Variants in TAOK1 observed in about 807,000 individuals in gnomAD.
The protein encoded by TAOK1 is TAO kinase 1.
In TAOK1, 21 loss-of-function variants were observed where a neutral mutation model predicts 138.3. The observed-to-expected ratio is 0.15, with a 90% CI of 0.11 to 0.22. The LOEUF is 0.22. Among genes scored for constraint, TAOK1 ranks in the 10% least tolerant of loss-of-function variants. The pLI, the probability that TAOK1 is intolerant of heterozygous loss-of-function variation, is 1.00. For synonymous variants in TAOK1, 361 were observed against 398.4 expected, an observed-to-expected ratio of 0.91 and a Z score of 1.12; for missense variants, 651 against 1,227.7, an observed-to-expected ratio of 0.53 and a Z score of 7.02.
chr17:29,432,160 C>A (rs1905860206), intron 1 of TAOK1, among the ~76,000 whole-genome samples: 1 of 152,124 alleles, frequency 6.6e-6, no homozygotes. Context: ...CAGAGTTTTA[C>A]CCACATATTT....
At position 29,475,671 on chromosome 17, in the gene TAOK1, A is replaced by C; in HGVS notation, c.206A>C (p.Lys69Thr). ...TCTTTACCTTTTTTCTCCCCACAGA[A>C]ATGGCAGGATATTATTAAGGAAGTC... ...MSYSGKQSTEKWQDIIKEVKF... is the reference protein window; with the variant it reads ...MSYSGKQSTETWQDIIKEVKF... Residue 69 changes from lysine (K) to threonine (T), a missense_variant and splice_region_variant, in exon 4 of 20, where the codon AAA (lysine) becomes ACA (threonine). Lys to Thr is a moderately conservative substitution (Grantham distance 78). Coordinates refer to ENST00000261716, the MANE Select transcript of TAOK1 (RefSeq NM_020791.4). The C allele has an allele frequency of 6.2e-7, 1 of 1,601,840 alleles. No individual in the cohort carries two copies. Among genetic ancestry groups the C allele is most frequent in the Non-Finnish European group, 8.5e-7 (1 of 1,171,622 alleles).
intron 1 of TAOK1, among the ~76,000 whole-genome samples, chr17:29,394,150 G>GTTTTTTT (rs58117433): frequency 0.011 from 533 of 48,300 alleles, 101 homozygotes; most frequent in South Asian, 0.019. Context: ...TAATTTGCCA[G>GTTTTTTT]TTTTTTTTTT....
intron 1 of TAOK1, among the ~76,000 whole-genome samples, chr17:29,411,706 T>A (rs979764584): frequency 9.9e-5 from 15 of 152,156 alleles, no homozygotes; most frequent in African/African-American, 3.6e-4. Context: ...AGAAGTACTT[T>A]CTATATCATA....
At chr17:29,492,184 T>C (rs1031400422) in intron 10 of TAOK1, among the ~76,000 whole-genome samples, 1 of 152,162 alleles carries the variant, frequency 6.6e-6, no homozygotes, top group African/African-American at 2.4e-5. Flanking sequence ...CCAGTTCCAT[T>C]ATACTTTAAA....
At chr17:29,515,852 G>A (rs1418145404) in intron 15 of TAOK1, among the ~76,000 whole-genome samples, 2 of 151,890 alleles carry the variant, frequency 1.3e-5, no homozygotes, top group African/African-American at 4.8e-5. Flanking sequence ...AAAGAAAGAT[G>A]TAAATACCAC....
chr17:29,413,745 A>G (rs1905198577), intron 1 of TAOK1, among the ~76,000 whole-genome samples: 1 of 152,128 alleles, frequency 6.6e-6, no homozygotes, highest in Non-Finnish European at 1.5e-5. Context: ...TTATTATAGC[A>G]GTTGCTCGCT....
Position 29,502,649 on chromosome 17 carries a change from C to G in TAOK1, c.1264C>G (p.Pro422Ala). 1 of 1,613,930 alleles carries G rather than the reference C, an allele frequency of 6.2e-7. No homozygotes were observed. Reference sequence around the variant, plus strand: ...AACAAGAGCATCAGATCCACAATCTCCACCCCAAGTATCTCGTCACAAATC... The same window carrying G: ...AACAAGAGCATCAGATCCACAATCTGCACCCCAAGTATCTCGTCACAAATC... ...PRTRASDPQS[P>A]PQVSRHKSHY... Residue 422 changes from proline to alanine, a missense_variant, in exon 13 of 20, where the codon CCA becomes GCA. Pro to Ala is a conservative substitution (Grantham distance 27). Around this residue, in one of 8 missense-constraint regions of TAOK1, gnomAD observed 104 missense variants for 151.7 expected, o/e 0.69. Coordinates refer to ENST00000261716, the MANE Select transcript of TAOK1 (RefSeq NM_020791.4).
intron 6 of TAOK1, 58 bp downstream of exon 6, chr17:29,478,405 T>C: frequency 8.6e-7 from 1 of 1,164,230 alleles, no homozygotes; most frequent in Non-Finnish European, 1.2e-6. Context: ...TATACCAACT[T>C]TAGAATTTAT....
At chr17:29,493,125 G>A (rs2031336538) in intron 10 of TAOK1, among the ~76,000 whole-genome samples, 1 of 151,644 alleles carries the variant, frequency 6.6e-6, no homozygotes, top group African/African-American at 2.4e-5. Context: ...GGGCGATAGA[G>A]TGAGACTGTG....
chr17:29,480,611 G>T, intron 7 of TAOK1, 130 bp downstream of exon 7: 1 of 702,816 alleles, frequency 1.4e-6, no homozygotes, highest in East Asian at 3.2e-5. Flanking sequence ...GCTCACACCT[G>T]TAATCCCAGA....
At chr17:29,401,352 G>A (rs1430345644) in intron 1 of TAOK1, among the ~76,000 whole-genome samples, 1 of 152,148 alleles carries the variant, frequency 6.6e-6, no homozygotes, top group Non-Finnish European at 1.5e-5. Context: ...CATCTGGGGA[G>A]GCTTCAGAAA....
chr17:29,464,840 T>C (rs1489256439), intron 2 of TAOK1, among the ~76,000 whole-genome samples: 1 of 151,292 alleles, frequency 6.6e-6, no homozygotes, highest in South Asian at 2.1e-4. Flanking sequence ...TTTTTTTTTT[T>C]TTGATACAGG....
intron 16 of TAOK1, among the ~76,000 whole-genome samples, chr17:29,518,025 T>G (rs1393309694): frequency 6.6e-6 from 1 of 152,046 alleles, no homozygotes; most frequent in East Asian, 1.9e-4. Context: ...CCAACTAATT[T>G]TTGTATTTTT....
chr17:29,497,714 C>CAAAAAAAAAAAAA (rs373537264), intron 11 of TAOK1, among the ~76,000 whole-genome samples: 3 of 100,704 alleles, frequency 3.0e-5, no homozygotes, highest in Admixed American at 1.0e-4. Context: ...TATTGAAATA[C>CAAAAAAAAAAAAA]AAAAAAAAAA....
At chr17:29,425,479 G>A (rs951672826) in intron 1 of TAOK1, among the ~76,000 whole-genome samples, 5 of 152,166 alleles carry the variant, frequency 3.3e-5, no homozygotes, top group Non-Finnish European at 7.4e-5. Context: ...ACGAGTTTGA[G>A]ACCAGCCTGG....
chr17:29,419,793 C>A (rs964636755), intron 1 of TAOK1, among the ~76,000 whole-genome samples: 1 of 152,042 alleles, frequency 6.6e-6, no homozygotes, highest in Non-Finnish European at 1.5e-5. Flanking sequence ...TGAGCTCAGC[C>A]ATGATTTTTA....
intron 15 of TAOK1, among the ~76,000 whole-genome samples, chr17:29,516,869 A>G (rs1373259376): frequency 6.6e-6 from 1 of 151,194 alleles, no homozygotes; most frequent in African/African-American, 2.4e-5. Context: ...GAGTTTCACC[A>G]AAGAGTGCAG....
At chr17:29,473,090 C>T (rs1169446840) in intron 3 of TAOK1, among the ~76,000 whole-genome samples, 1 of 152,148 alleles carries the variant, frequency 6.6e-6, no homozygotes, top group Non-Finnish European at 1.5e-5. Context: ...TTAAAATATT[C>T]ACTAAACCAT....
intron 18 of TAOK1, among the ~76,000 whole-genome samples, chr17:29,533,446 G>A (rs1427549745): frequency 2.6e-5 from 4 of 151,982 alleles, no homozygotes; most frequent in South Asian, 2.1e-4. Context: ...GGTGGCGGCC[G>A]GGCAGAGGCT....
Sources: gnomAD v4.1 joint callset for allele counts (sites outside exome capture counted in the v4.1 genomes callset) on GRCh38, gnomAD v4.1.1 for gene constraint, gnomAD v4.1.1 regional missense constraint, MANE v1.5 for transcripts, NCBI Gene and HGNC (gene_info 2026-07-23, HGNC 2026-07-21) for gene names.